Variants in CPEB3 observed in about 807,000 individuals in gnomAD.
CPEB3 encodes cytoplasmic polyadenylation element-binding protein 3.
In CPEB3, 20 loss-of-function variants were observed where a neutral mutation model predicts 67.2. The observed-to-expected ratio is 0.30, with a 90% CI of 0.21 to 0.43. The LOEUF (loss-of-function observed/expected upper bound fraction) is 0.43, where lower values mean the gene tolerates loss of function less well. Among genes scored for constraint, CPEB3 ranks in the 20% least tolerant of loss-of-function variants. CPEB3 has a pLI of 1.00. For synonymous variants in CPEB3, 376 were observed against 393.1 expected (o/e 0.96, Z 0.51); for missense variants, 746 against 968.6 (o/e 0.77, Z 3.05).
intron 7 of CPEB3, among the ~76,000 whole-genome samples, chr10:92,107,908 G>A (rs1451475461): frequency 1.3e-5 from 2 of 152,136 alleles, no homozygotes; most frequent in African/African-American, 4.8e-5. Context: ...AGTCACTGAT[G>A]AAAAATATCT....
rs137886988 is a variant in CPEB3 at position 92,094,953 on chromosome 10, G to A, written c.1573-3009C>T. On this transcript the variant is annotated intron_variant, in intron 7 of 9. Coordinates refer to ENST00000265997, the MANE Select transcript of CPEB3 (RefSeq NM_014912.5). Reference sequence around the variant, plus strand: ...ATTCCAATCACTTTATGTTAATTGCGTTTGATCATAGATCACTTTATTTTA... The same window carrying A: ...ATTCCAATCACTTTATGTTAATTGCATTTGATCATAGATCACTTTATTTTA... Among the ~76,000 whole-genome samples, 7 of 152,106 alleles carry A rather than the reference G, an allele frequency of 4.6e-5. No individual in the cohort carries two copies. The East Asian group carries it at 5.8e-4, about 13-fold the overall frequency.
chr10:92,054,035 A>G (rs1842021702), intron 9 of CPEB3, among the ~76,000 whole-genome samples: 1 of 152,184 alleles, frequency 6.6e-6, no homozygotes, highest in Non-Finnish European at 1.5e-5. Flanking sequence ...AATGACTGAC[A>G]ATGTTTAGCA....
chr10:92,176,895 C>T (rs554366956), intron 4 of CPEB3, among the ~76,000 whole-genome samples: 17 of 152,322 alleles, frequency 1.1e-4, no homozygotes, highest in African/African-American at 7.2e-5. Context: ...TGGCCCAAGA[C>T]GGCTTTGAAT....
intron 2 of CPEB3, among the ~76,000 whole-genome samples, chr10:92,238,843 C>T (rs966851980): frequency 2.0e-5 from 3 of 152,300 alleles, no homozygotes; most frequent in East Asian, 1.9e-4. Context: ...ACTGAGCATA[C>T]GCAACCGTCT....
intron 1 of CPEB3, among the ~76,000 whole-genome samples, chr10:92,282,936 A>G (rs966807139): frequency 6.6e-6 from 1 of 152,076 alleles, no homozygotes; most frequent in African/African-American, 2.4e-5. Context: ...CCAACCCACC[A>G]TACATACCAC....
chr10:92,179,793 G>A (rs970482619), intron 4 of CPEB3, among the ~76,000 whole-genome samples: 2 of 152,216 alleles, frequency 1.3e-5, no homozygotes, highest in Non-Finnish European at 2.9e-5. Flanking sequence ...GTACTCATTG[G>A]TTGCATGTCA....
At chr10:92,228,550 T>G (rs1198414432) in intron 2 of CPEB3, among the ~76,000 whole-genome samples, 1 of 152,126 alleles carries the variant, frequency 6.6e-6, no homozygotes, top group African/African-American at 2.4e-5. Context: ...CTCTGAAATA[T>G]TCCCTCCCAT....
At chr10:92,202,572 C>T (rs187174150) in intron 2 of CPEB3, among the ~76,000 whole-genome samples, 1 of 150,546 alleles carries the variant, frequency 6.6e-6, no homozygotes, top group East Asian at 1.9e-4. Context: ...TTGATACATG[C>T]TACAACATGG....
At chr10:92,123,169 T>C (rs1331229896) in intron 6 of CPEB3, among the ~76,000 whole-genome samples, 1 of 152,196 alleles carries the variant, frequency 6.6e-6, no homozygotes, top group Non-Finnish European at 1.5e-5. Flanking sequence ...TCCAGGGCAG[T>C]GACCTGGGGC....
chr10:92,283,458 G>C (rs1307788261), intron 1 of CPEB3, among the ~76,000 whole-genome samples: 1 of 152,114 alleles, frequency 6.6e-6, no homozygotes, highest in Non-Finnish European at 1.5e-5. Flanking sequence ...GACTAAAAGA[G>C]ATTCTGTAAC....
intron 6 of CPEB3, chr10:92,137,460 C>G: frequency 2.5e-6 from 3 of 1,212,160 alleles, no homozygotes; most frequent in East Asian, 2.4e-5. Context: ...TCCAAAAGCT[C>G]AACAGCAACA....
At chr10:92,086,292 A>G (rs1843369587) in intron 8 of CPEB3, among the ~76,000 whole-genome samples, 1 of 152,250 alleles carries the variant, frequency 6.6e-6, no homozygotes, top group Non-Finnish European at 1.5e-5. Context: ...TAGGTTTACC[A>G]CAATTGTCAA....
intron 1 of CPEB3, among the ~76,000 whole-genome samples, chr10:92,275,845 C>CTTTTTTTTTTTTTTT: frequency 1.1e-5 from 1 of 92,978 alleles, no homozygotes; most frequent in Non-Finnish European, 2.4e-5. Flanking sequence ...TCATTCTTTT[C>CTTTTTTTTTTTTTTT]TTTTTTTTTT....
chr10:92,152,355 T>C (rs1847004048), intron 4 of CPEB3, among the ~76,000 whole-genome samples: 1 of 152,236 alleles, frequency 6.6e-6, no homozygotes, highest in South Asian at 2.1e-4. Context: ...TAGATTTGTC[T>C]ATTCTGGACA....
chr10:92,159,117 G>T (rs1208498925), intron 4 of CPEB3, among the ~76,000 whole-genome samples: 1 of 150,246 alleles, frequency 6.7e-6, no homozygotes, highest in East Asian at 2.0e-4. Flanking sequence ...CAAAAAATTG[G>T]CCGGGCGCGG....
At chr10:92,058,500 G>A (rs911545715) in intron 9 of CPEB3, among the ~76,000 whole-genome samples, 3 of 151,916 alleles carry the variant, frequency 2.0e-5, no homozygotes, top group Admixed American at 2.0e-4. Flanking sequence ...AGTGAGCTGA[G>A]ATCGTGCCAC....
chr10:92,063,634 C>T (rs1189248177), intron 9 of CPEB3, among the ~76,000 whole-genome samples: 3 of 151,938 alleles, frequency 2.0e-5, no homozygotes, highest in South Asian at 2.1e-4. Context: ...TGTGGTGGCG[C>T]GCACCTATAG....
chr10:92,242,307 C>T (rs1394202025), intron 1 of CPEB3, among the ~76,000 whole-genome samples: 2 of 152,204 alleles, frequency 1.3e-5, no homozygotes. Flanking sequence ...TTGCCGGCTA[C>T]TACCAATAAA....
At chr10:92,280,045 GAGAC>G (rs1239144630) in intron 1 of CPEB3, among the ~76,000 whole-genome samples, 1 of 151,786 alleles carries the variant, frequency 6.6e-6, no homozygotes, top group African/African-American at 2.4e-5. Context: ...GAGAGAGAAA[GAGAC>G]AGAGAGAGAG....
Sources: gnomAD v4.1 joint callset for allele counts (sites outside exome capture counted in the v4.1 genomes callset) on GRCh38, gnomAD v4.1.1 for gene constraint, MANE v1.5 for transcripts, NCBI Gene and HGNC (gene_info 2026-07-23, HGNC 2026-07-21) for gene names.